Variants in CAPZA1 observed in about 807,000 individuals in gnomAD.
CAPZA1 encodes the protein capping actin protein of muscle Z-line subunit alpha 1.
CAPZA1 carries 10 observed loss-of-function variants against 40.8 expected under a neutral mutation model. That is an observed-to-expected ratio of 0.25 (90% CI 0.15 to 0.42). The LOEUF is 0.42. CAPZA1 is among the 10% of genes least tolerant of loss of function. The pLI is 1.00. For missense variants in CAPZA1, 277 were observed against 353.8 expected (o/e 0.78, Z 1.74); for synonymous variants, 98 against 115.0 (o/e 0.85, Z 0.95).
intron 1 of CAPZA1, chr1:112,626,110 C>T (rs1315056367): frequency 1.3e-5 from 2 of 152,274 alleles, no homozygotes; most frequent in Non-Finnish European, 2.9e-5. Flanking sequence ...AGTGGACCTT[C>T]TCATTACTCA....
intron 1 of CAPZA1, among the ~76,000 whole-genome samples, chr1:112,631,361 T>G (rs1670913164): frequency 2.6e-5 from 4 of 152,234 alleles, no homozygotes; most frequent in Admixed American, 2.6e-4. Context: ...ATCTGCTGTA[T>G]GGGAGTCTGT....
At chr1:112,627,314 G>A (rs1030724719) in intron 1 of CAPZA1, among the ~76,000 whole-genome samples, 1 of 152,156 alleles carries the variant, frequency 6.6e-6, no homozygotes, top group African/African-American at 2.4e-5. Context: ...TATAGACACT[G>A]AAACATTGGT....
rs1026667189 is a variant in CAPZA1 at position 112,636,702 on chromosome 1, T to C, written c.40-10508T>C. ...GATTCTCAAGTTAGAGGAGCTGACA[T>C]ACCTCCCCTTTATGGGAGATAACTG... On this transcript the variant is annotated intron_variant, in intron 1 of 9. Coordinates refer to ENST00000263168, the MANE Select transcript of CAPZA1 (RefSeq NM_006135.3). Among the ~76,000 whole-genome samples the C allele has an allele frequency of 3.3e-5, 5 of 152,166 alleles. No individual in the cohort carries two copies. The South Asian group carries it at 1.0e-3, about 31-fold the overall frequency.
At chr1:112,669,670 T>C (rs1013894286) in intron 9 of CAPZA1, 65 bp downstream of exon 9, 6 of 1,166,038 alleles carry the variant, frequency 5.1e-6, no homozygotes, top group Non-Finnish European at 7.7e-6. Flanking sequence ...TAGCATATTT[T>C]GTTAGGCCTT....
chr1:112,645,089 A>G (rs1263359698), intron 1 of CAPZA1, among the ~76,000 whole-genome samples: 1 of 152,232 alleles, frequency 6.6e-6, no homozygotes, highest in African/African-American at 2.4e-5. Context: ...GGTGTCCCAC[A>G]TAGCCTGTGG....
intron 2 of CAPZA1, among the ~76,000 whole-genome samples, chr1:112,648,437 C>G (rs960055343): frequency 1.3e-5 from 2 of 148,780 alleles, no homozygotes; most frequent in Non-Finnish European, 3.0e-5. Context: ...GAACCCCTGC[C>G]TCCCAAGTAG....
chr1:112,654,524 A>G lies in CAPZA1; in HGVS notation c.279A>G (p.Lys93=), dbSNP rs1671460021. Residue 93 remains lysine (K), a synonymous_variant, in exon 5 of 10, where the codon AAA becomes AAG. Coordinates refer to ENST00000263168, the MANE Select transcript of CAPZA1 (RefSeq NM_006135.3). Reference sequence around the variant, plus strand: ...GCAGATTTTTAGATCCAAGAAACAAAATTTCCTTTAAATTTGACCACTTAC... The same window carrying G: ...GCAGATTTTTAGATCCAAGAAACAAGATTTCCTTTAAATTTGACCACTTAC... ...GNSRFLDPRN[K]ISFKFDHLRK... is the part of the protein sequence containing the mutation. 1 of 1,613,978 alleles carries G rather than the reference A, an allele frequency of 6.2e-7. No homozygotes were observed. The highest frequency in any genetic ancestry group is 1.3e-5 in the African/African-American group (1 of 74,890).
chr1:112,670,381 T>TTTTTA lies in CAPZA1; in HGVS notation c.*249_*250insTTTTA. On this transcript the variant is annotated 3_prime_UTR_variant, in exon 10 of 10. Transcript: ENST00000263168. ...TTTTTTCTTTTTTTTTTTTTTTTTT[T>TTTTTA]GGTTAATTCTGCCACATTTAATGTT... 1 of 398,368 alleles carries TTTTTA rather than the reference T, an allele frequency of 2.5e-6. No homozygotes were observed. The highest frequency in any genetic ancestry group is 3.2e-5 in the South Asian group (1 of 30,776). The allele number at this position is 398,368 out of a possible 1,614,324, so 24.7% of individuals were successfully genotyped here.
chr1:112,627,551 G>A (rs951523373), intron 1 of CAPZA1, among the ~76,000 whole-genome samples: 1 of 141,478 alleles, frequency 7.1e-6, no homozygotes, highest in Non-Finnish European at 1.5e-5. Flanking sequence ...AGAATCACTT[G>A]AACCTGAGAG....
At position 112,671,577 on chromosome 1, in the gene CAPZA1, T is replaced by G. The variant is rs1443556337; in HGVS notation, c.*1445T>G. On this transcript the variant is annotated 3_prime_UTR_variant, in exon 10 of 10. Transcript: ENST00000263168. ...CATCCATACCACACTATCTTCTGTA[T>G]CAGGTAGTCTAATAGAAATATACCT... 2 of 152,652 alleles carry G rather than the reference T, an allele frequency of 1.3e-5. No homozygotes were observed. The highest frequency in any genetic ancestry group is 4.8e-5 in the African/African-American group (2 of 41,458). 9.5% of individuals were successfully genotyped at this position (152,652 alleles called of 1,614,324 possible).
rs1553180448 is a variant in CAPZA1, at chr1:112,656,466, T to TTTTTCC, written c.426+1795_426+1796insTTTTCC. On this transcript the variant is annotated intron_variant, in intron 5 of 9. Coordinates refer to ENST00000263168, the MANE Select transcript of CAPZA1 (RefSeq NM_006135.3). ...TTTTTTTTTTTTTTTTTTTTTTTTT[T>TTTTTCC]AATGAGAATACCCATTATGGTGGAC... Among the ~76,000 whole-genome samples, 76 of 94,410 alleles carry TTTTTCC rather than the reference T, an allele frequency of 8.0e-4. 12 individuals carry two copies. The highest frequency in any genetic ancestry group is 1.2e-3 in the Non-Finnish European group (56 of 45,274). 61.9% of individuals were successfully genotyped at this position (94,410 alleles called of 152,430 possible).
At chr1:112,664,547 T>C (rs1167350465) in intron 7 of CAPZA1, among the ~76,000 whole-genome samples, 2 of 152,206 alleles carry the variant, frequency 1.3e-5, no homozygotes, top group Non-Finnish European at 2.9e-5. Flanking sequence ...CATGGATAAG[T>C]TATTGTTTAA....
intron 1 of CAPZA1, among the ~76,000 whole-genome samples, chr1:112,640,753 G>A (rs1367974198): frequency 6.6e-6 from 1 of 152,268 alleles, no homozygotes; most frequent in Non-Finnish European, 1.5e-5. Flanking sequence ...GGGCCAGGAT[G>A]ACAATGGCGG....
rs1671553623 is a variant in CAPZA1 at position 112,659,091 on chromosome 1, A to G, written c.496A>G (p.Lys166Glu). 1 of 1,609,600 alleles carries G rather than the reference A, an allele frequency of 6.2e-7. No homozygotes were observed. The highest frequency in any genetic ancestry group is 2.2e-5 in the East Asian group (1 of 44,802). ...TATTGAAAGCCACCAGTTTCAGCCT[A>G]AAAACTTCTGGTAAGAAGTAGATAT... The part of the protein sequence containing the change: ...ACIESHQFQP[K>E]NFWNGRWRSE... Residue 166 changes from lysine to glutamate, a missense_variant, in exon 6 of 10, where the codon AAA becomes GAA. Physicochemically the swap from Lys to Glu is moderately conservative, Grantham distance 56 (BLOSUM62 1). This residue lies in a region of CAPZA1 where 192 missense variants were observed against 277.2 expected (regional missense o/e 0.69). Coordinates refer to ENST00000263168, the MANE Select transcript of CAPZA1 (RefSeq NM_006135.3).
At chr1:112,638,919 G>GAT (rs1201391833) in intron 1 of CAPZA1, among the ~76,000 whole-genome samples, 1 of 149,012 alleles carries the variant, frequency 6.7e-6, no homozygotes, top group African/African-American at 2.5e-5. Context: ...TATAGATATA[G>GAT]ATATAGATAT....
intron 5 of CAPZA1, among the ~76,000 whole-genome samples, chr1:112,655,438 C>T (rs1671476607): frequency 6.6e-6 from 1 of 152,118 alleles, no homozygotes; most frequent in African/African-American, 2.4e-5. Flanking sequence ...GACCACACCA[C>T]TGCATTCCAG....
intron 1 of CAPZA1, among the ~76,000 whole-genome samples, chr1:112,630,599 T>C (rs1670902575): frequency 6.6e-6 from 1 of 152,140 alleles, no homozygotes; most frequent in South Asian, 2.1e-4. Context: ...CACCTCGTCC[T>C]CCCTAAGTGC....
rs1671833451 is a variant in CAPZA1, at chr1:112,671,500, T to C, written c.*1368T>C. 1 of 152,652 alleles carries C rather than the reference T, an allele frequency of 6.6e-6. No homozygotes were observed. The highest frequency in any genetic ancestry group is 1.5e-5 in the Non-Finnish European group (1 of 68,036). 9.5% of individuals were successfully genotyped at this position (152,652 alleles called of 1,614,324 possible). ...GGTGACCCATTGAGCTGTGTATGCA[T>C]TTTTGTTTATTTCAATAAAATATAT... is the stretch of plus-strand genomic sequence containing the variant. On this transcript the variant is annotated 3_prime_UTR_variant, in exon 10 of 10. Transcript: ENST00000263168.
At chr1:112,628,913 C>T (rs77595837) in intron 1 of CAPZA1, among the ~76,000 whole-genome samples, 1 of 152,146 alleles carries the variant, frequency 6.6e-6, no homozygotes, top group Admixed American at 6.5e-5. Flanking sequence ...CTTACCACAC[C>T]CTTATTCTAA....
Sources: gnomAD v4.1 joint callset for allele counts (sites outside exome capture counted in the v4.1 genomes callset) on GRCh38, gnomAD v4.1.1 for gene constraint, gnomAD v4.1.1 regional missense constraint, MANE v1.5 for transcripts, NCBI Gene and HGNC (gene_info 2026-07-23, HGNC 2026-07-21) for gene names.